The following LGALS9 variants were observed in gnomAD, a reference collection of about 807,000 sequenced individuals.
LGALS9 encodes the protein galectin-9.
In LGALS9, 26 loss-of-function variants were observed where a neutral mutation model predicts 35.9. The ratio of observed to expected loss-of-function variants is 0.72; its 90% confidence interval spans 0.53 to 1.01. The LOEUF (loss-of-function observed/expected upper bound fraction) is 1.01. Ranked by LOEUF, LGALS9 falls within the 50% of genes least tolerant of loss-of-function variation. The pLI is 0.00. For synonymous variants in LGALS9, 149 were observed against 172.2 expected (o/e 0.87, Z 1.06); for missense variants, 347 against 445.8 (o/e 0.78, Z 1.99).
At chr17:27,633,227 C>T (rs925111502) in intron 1 of LGALS9, among the ~76,000 whole-genome samples, 4 of 152,200 alleles carry the variant, frequency 2.6e-5, no homozygotes, top group Non-Finnish European at 4.4e-5. Flanking sequence ...CCTCAGTTTC[C>T]TCATCTGTAA....
chr17:27,641,099 G>A (rs1904459805), intron 3 of LGALS9: 1 of 515,150 alleles, frequency 1.9e-6, no homozygotes, highest in Non-Finnish European at 3.7e-6. Flanking sequence ...CCAGGTCACT[G>A]GTAACATTTA....
At chr17:27,643,699 G>T in intron 5 of LGALS9, 79 bp downstream of exon 5, 6 of 1,496,408 alleles carry the variant, frequency 4.0e-6, no homozygotes, top group Non-Finnish European at 5.3e-6. Context: ...GCCCCAGCCA[G>T]CAGGCCACTC....
intron 10 of LGALS9, among the ~76,000 whole-genome samples, chr17:27,648,593 G>A (rs1453959654): frequency 6.6e-6 from 1 of 152,176 alleles, no homozygotes; most frequent in Non-Finnish European, 1.5e-5. Context: ...GATACAGACG[G>A]CACAGGCCAG....
chr17:27,647,809 C>T (rs572151356), intron 10 of LGALS9, among the ~76,000 whole-genome samples: 2 of 152,366 alleles, frequency 1.3e-5, no homozygotes, highest in East Asian at 3.9e-4. Context: ...ATGAAGCACA[C>T]AGACAGGGTC....
At chr17:27,646,783 T>C (rs559130308) in intron 8 of LGALS9, among the ~76,000 whole-genome samples, 195 bp downstream of exon 8, 72 of 152,348 alleles carry the variant, frequency 4.7e-4, no homozygotes, top group African/African-American at 1.6e-3. Context: ...CGTGTCAATA[T>C]GAGCACATTG....
In LGALS9 at chr17:27,649,044, C is replaced by A; in HGVS notation, c.*62C>A. 1 of 1,608,460 alleles carries A rather than the reference C, an allele frequency of 6.2e-7. No individual in the cohort carries two copies. The highest frequency in any genetic ancestry group is 8.5e-7 in the Non-Finnish European group (1 of 1,176,420). On this transcript the variant is annotated 3_prime_UTR_variant, in exon 11 of 11. Coordinates refer to ENST00000395473, the MANE Select transcript of LGALS9 (RefSeq NM_009587.3). ...GGGGCAGTCTGGGTCCTCTCATCAT[C>A]CCCACTTCCCAGGCCCAGCCTTTCC...
chr17:27,647,598 G>A (rs1199106715), intron 10 of LGALS9, among the ~76,000 whole-genome samples, 166 bp downstream of exon 10: 5 of 145,142 alleles, frequency 3.4e-5, no homozygotes, highest in South Asian at 2.2e-4. Flanking sequence ...TTACTGTCCC[G>A]CATGAAGGAA....
intron 2 of LGALS9, among the ~76,000 whole-genome samples, chr17:27,639,085 G>A (rs756806545): frequency 3.3e-5 from 5 of 152,114 alleles, no homozygotes; most frequent in Admixed American, 2.6e-4. Context: ...ACTCTCTCTC[G>A]GAAGCCTCTC....
At chr17:27,645,983 G>T in intron 7 of LGALS9, 72 bp downstream of exon 7, 1 of 1,608,840 alleles carries the variant, frequency 6.2e-7, no homozygotes, top group Middle Eastern at 1.7e-4. Context: ...ACTCCCTAGA[G>T]CCCTAGAGTC....
In LGALS9 at chr17:27,647,285, G is replaced by A. The variant is rs189640270; in HGVS notation, c.774G>A (p.Leu258=). The A allele has an allele frequency of 5.0e-6, 8 of 1,614,106 alleles. No homozygotes were observed. The highest frequency in any genetic ancestry group is 6.8e-6 in the Non-Finnish European group (8 of 1,180,040). The part of the protein sequence containing the change: ...LPSAQRFHIN[L]CSGNHIAFHL... The stretch of plus-strand genomic sequence containing the variant: ...CCCACCCCAGGTTCCACATCAACCT[G>A]TGCTCTGGGAACCACATCGCCTTCC... Residue 258 remains leucine, a synonymous_variant, in exon 10 of 11, where the codon CTG becomes CTA. Transcript: ENST00000395473.
Position 27,648,926 on chromosome 17 carries a change from A to C in LGALS9, c.1012A>C (p.Thr338Pro). 6.2e-7 allele frequency: 1 copy of C among 1,613,956 alleles called. No individual in the cohort carries two copies. Among genetic ancestry groups the C allele is most frequent in the Non-Finnish European group, 8.5e-7 (1 of 1,179,860 alleles). The change falls in exon 11 of 11, where the codon ACC becomes CCC. Residue 338 changes from threonine to proline, a missense_variant. Thr to Pro is a conservative substitution (Grantham distance 38). Coordinates refer to ENST00000395473, the MANE Select transcript of LGALS9 (RefSeq NM_009587.3). ...CTACCATCGCCTGAGGAACCTGCCCACCATCAACAGACTGGAAGTGGGGGG... is the reference window on the plus strand; with the variant it reads ...CTACCATCGCCTGAGGAACCTGCCCCCCATCAACAGACTGGAAGTGGGGGG... Reference protein sequence around the residue: ...EYYHRLRNLPTINRLEVGGDI... With the variant: ...EYYHRLRNLPPINRLEVGGDI...
Position 27,640,576 on chromosome 17 carries a change from G to C in LGALS9, c.136G>C (p.Ala46Pro). The C allele has an allele frequency of 6.2e-7, 1 of 1,614,082 alleles. No individual in the cohort carries two copies. Among genetic ancestry groups the C allele is most frequent in the South Asian group, 1.1e-5 (1 of 91,080 alleles). ...TVLSSSGTRF[A>P]VNFQTGFSGN... ...ATTTGCTTTCCCTGGGCCTAGGTTTGCTGTGAACTTTCAGACTGGCTTCAG... is the reference window on the plus strand; with the variant it reads ...ATTTGCTTTCCCTGGGCCTAGGTTTCCTGTGAACTTTCAGACTGGCTTCAG... Residue 46 changes from alanine to proline, a missense_variant, in exon 3 of 11, where the codon GCT becomes CCT. Ala to Pro is a conservative substitution (Grantham distance 27). Coordinates refer to ENST00000395473, the MANE Select transcript of LGALS9 (RefSeq NM_009587.3).
intron 3 of LGALS9, 100 bp downstream of exon 3, chr17:27,640,873 T>C (rs1460914557): frequency 6.6e-6 from 10 of 1,522,818 alleles, no homozygotes; most frequent in Non-Finnish European, 9.0e-6. Flanking sequence ...TCAGCCAGAG[T>C]GACACCACTA....
chr17:27,639,893 T>G (rs1446431860), intron 2 of LGALS9, among the ~76,000 whole-genome samples: 1 of 152,166 alleles, frequency 6.6e-6, no homozygotes, highest in Admixed American at 6.5e-5. Context: ...CATGCCACCA[T>G]GCCTGGCTCA....
At chr17:27,645,462 C>T (rs1191802107) in intron 6 of LGALS9, 113 bp downstream of exon 6, 2 of 1,434,682 alleles carry the variant, frequency 1.4e-6, no homozygotes, top group African/African-American at 1.5e-5. Context: ...GGGCACAGAC[C>T]AGACCCTTGA....
At chr17:27,640,474 A>C in intron 2 of LGALS9, 98 bp from the exon 3 acceptor site, 1 of 1,547,216 alleles carries the variant, frequency 6.5e-7, no homozygotes, top group Non-Finnish European at 8.9e-7. Context: ...TGTGTGCAAG[A>C]TCCAGACAAA....
At chr17:27,638,929 A>G (rs2074485185) in intron 2 of LGALS9, among the ~76,000 whole-genome samples, 2 of 151,760 alleles carry the variant, frequency 1.3e-5, no homozygotes. Context: ...AGGGCTCTAG[A>G]CCCTCACTCA....
At chr17:27,640,534 C>A (rs776596988) in intron 2 of LGALS9, 38 bp from the exon 3 acceptor site, 47 of 1,612,754 alleles carry the variant, frequency 2.9e-5, no homozygotes, top group Non-Finnish European at 3.5e-5. Flanking sequence ...TGGCAATAAT[C>A]CATGCCACAG....
chr17:27,639,922 G>A (rs187373619), intron 2 of LGALS9, among the ~76,000 whole-genome samples: 1 of 152,184 alleles, frequency 6.6e-6, no homozygotes. Flanking sequence ...ATTTTTAGTC[G>A]AGACGGGGTT....
Sources: gnomAD v4.1 joint callset for allele counts (sites outside exome capture counted in the v4.1 genomes callset) on GRCh38, gnomAD v4.1.1 for gene constraint, MANE v1.5 for transcripts, NCBI Gene and HGNC (gene_info 2026-07-23, HGNC 2026-07-21) for gene names.